MACROD2: variants seen among roughly 807,000 people sequenced by gnomAD.
The protein encoded by MACROD2 is ADP-ribose glycohydrolase MACROD2.
In MACROD2, 36 loss-of-function variants were observed where a neutral mutation model predicts 70.4. The observed-to-expected ratio is 0.51, with a 90% CI of 0.39 to 0.68. The LOEUF (loss-of-function observed/expected upper bound fraction) is 0.68. Ranked by LOEUF, MACROD2 falls within the 30% of genes least tolerant of loss-of-function variation. MACROD2 has a pLI of 0.00. For synonymous variants in MACROD2, 172 were observed against 178.8 expected, an observed-to-expected ratio of 0.96 and a Z score of 0.30; for missense variants, 496 against 538.4, an observed-to-expected ratio of 0.92 and a Z score of 0.78.
At chr20:14,953,947 G>A (rs2074496809) in intron 5 of MACROD2, among the ~76,000 whole-genome samples, 1 of 152,142 alleles carries the variant, frequency 6.6e-6, no homozygotes. Flanking sequence ...AGATGAGTGA[G>A]TGTTCATTTA....
At chr20:14,814,807 A>G (rs1479190337) in intron 5 of MACROD2, among the ~76,000 whole-genome samples, 1 of 151,990 alleles carries the variant, frequency 6.6e-6, no homozygotes, top group Non-Finnish European at 1.5e-5. Context: ...CGTGGCACTG[A>G]GTATGATGAT....
At chr20:15,967,444 C>A in intron 12 of MACROD2, 109 bp from the exon 13 acceptor site, 3 of 908,400 alleles carry the variant, frequency 3.3e-6, no homozygotes, top group Non-Finnish European at 3.3e-6. Flanking sequence ...ATTTTTAAAA[C>A]GAATAAATTC....
At chr20:15,754,656 A>C (rs2051321258) in intron 8 of MACROD2, among the ~76,000 whole-genome samples, 2 of 150,710 alleles carry the variant, frequency 1.3e-5, no homozygotes, top group South Asian at 4.2e-4. Context: ...AGCCTAGTCT[A>C]ACTTGGTTAG....
intron 5 of MACROD2, among the ~76,000 whole-genome samples, chr20:15,122,712 G>T (rs1381796643): frequency 2.6e-5 from 4 of 151,908 alleles, no homozygotes; most frequent in Non-Finnish European, 4.4e-5. Flanking sequence ...TACTTCTCTG[G>T]CAGCAAGATA....
chr20:14,598,742 G>A (rs1006043075), intron 4 of MACROD2, among the ~76,000 whole-genome samples: 8 of 152,142 alleles, frequency 5.3e-5, no homozygotes, highest in African/African-American at 1.9e-4. Flanking sequence ...TTGAGAATTT[G>A]GAAAGCCTTT....
intron 6 of MACROD2, among the ~76,000 whole-genome samples, chr20:15,260,184 A>G (rs112433549): frequency 1.5e-3 from 235 of 151,836 alleles, no homozygotes; most frequent in African/African-American, 5.4e-3. Context: ...ACAAATAATG[A>G]TTGTTAATCA....
intron 5 of MACROD2, among the ~76,000 whole-genome samples, chr20:14,944,452 G>A (rs2074413944): frequency 6.6e-6 from 1 of 152,180 alleles, no homozygotes; most frequent in African/African-American, 2.4e-5. Flanking sequence ...TGCCTTGAAA[G>A]TGGAATTATC....
rs553545869 is a variant in MACROD2, at chr20:15,816,054, TTCTGTC to T, written c.646-46681_646-46676del. Among the ~76,000 whole-genome samples, 345 of 152,096 alleles carry T rather than the reference TTCTGTC, an allele frequency of 2.3e-3. 1 individual carries two copies. Among genetic ancestry groups the T allele is most frequent in the East Asian group, 0.018 (95 of 5,182 alleles). On this transcript the variant is annotated intron_variant, in intron 8 of 17. Transcript: ENST00000684519. ...TGTGTGTTTGTGTGTGTGTATCTCT[TTCTGTC>T]TCTGTCTCTCTCTACATATATTCAT...
chr20:14,681,360 C>G (rs2070930057), intron 4 of MACROD2, among the ~76,000 whole-genome samples: 1 of 152,120 alleles, frequency 6.6e-6, no homozygotes, highest in South Asian at 2.1e-4. Flanking sequence ...AGTCTAATGT[C>G]TATTCACAGA....
At chr20:15,584,154 G>A (rs930282170) in intron 8 of MACROD2, among the ~76,000 whole-genome samples, 3 of 152,234 alleles carry the variant, frequency 2.0e-5, no homozygotes, top group Admixed American at 6.5e-5. Context: ...AAATTTATCC[G>A]GGATATTTGT....
At chr20:14,555,942 G>T (rs894537145) in intron 4 of MACROD2, among the ~76,000 whole-genome samples, 1 of 151,986 alleles carries the variant, frequency 6.6e-6, no homozygotes. Context: ...CTTCTACTCA[G>T]CTGTTGCTTG....
intron 1 of MACROD2, among the ~76,000 whole-genome samples, chr20:13,998,026 T>G (rs1855580011): frequency 6.6e-6 from 1 of 152,172 alleles, no homozygotes; most frequent in Admixed American, 6.6e-5. Context: ...CTCATTGAAA[T>G]GTCAAGGCAT....
At chr20:14,001,127 A>G (rs1002470867) in intron 1 of MACROD2, among the ~76,000 whole-genome samples, 2 of 152,088 alleles carry the variant, frequency 1.3e-5, no homozygotes, top group African/African-American at 2.4e-5. Context: ...GTAGTCTTTG[A>G]TTAATGGAGA....
intron 8 of MACROD2, among the ~76,000 whole-genome samples, chr20:15,633,538 T>C (rs142478567): frequency 4.6e-5 from 7 of 151,264 alleles, no homozygotes; most frequent in Non-Finnish European, 8.8e-5. Context: ...TCATGACAAC[T>C]CTTATTTGCC....
intron 13 of MACROD2, among the ~76,000 whole-genome samples, chr20:15,977,411 G>A (rs2066323763): frequency 6.6e-6 from 1 of 152,218 alleles, no homozygotes; most frequent in Non-Finnish European, 1.5e-5. Context: ...CAAAGAGGTT[G>A]TGATTTGCCT....
intron 8 of MACROD2, among the ~76,000 whole-genome samples, chr20:15,614,369 G>C (rs2049009584): frequency 6.6e-6 from 1 of 152,156 alleles, no homozygotes; most frequent in Non-Finnish European, 1.5e-5. Context: ...ATTGCTTGCT[G>C]TGTTTCCTAG....
chr20:14,688,600 T>C (rs2071029151), intron 5 of MACROD2, among the ~76,000 whole-genome samples: 1 of 152,206 alleles, frequency 6.6e-6, no homozygotes, highest in African/African-American at 2.4e-5. Context: ...AGAAAGTAGA[T>C]GGAGGATTGT....
At chr20:15,266,881 T>G (rs1214922291) in intron 6 of MACROD2, among the ~76,000 whole-genome samples, 1 of 152,196 alleles carries the variant, frequency 6.6e-6, no homozygotes, top group African/African-American at 2.4e-5. Context: ...TGCAAGACAT[T>G]CATCCAGACG....
intron 2 of MACROD2, among the ~76,000 whole-genome samples, chr20:14,020,899 T>A (rs984257646): frequency 1.3e-5 from 2 of 152,180 alleles, no homozygotes; most frequent in Admixed American, 6.5e-5. Context: ...AGGGATCATC[T>A]TCTTAGGTAT....
Sources: allele counts gnomAD v4.1 joint callset (sites outside exome capture counted in the v4.1 genomes callset), GRCh38; gene constraint gnomAD v4.1.1; transcripts MANE v1.5; gene names NCBI Gene and HGNC (gene_info 2026-07-23, HGNC 2026-07-21).